C3orf20: variants seen among roughly 807,000 people sequenced by gnomAD.
C3orf20 encodes family with sequence similarity 149 member C.
A neutral mutation model predicts 88.3 loss-of-function variants in C3orf20; 76 were observed. That is an observed-to-expected ratio of 0.86 (90% CI 0.72 to 1.04). C3orf20 has a LOEUF of 1.04. Among genes scored for constraint, C3orf20 ranks in the 50% least tolerant of loss-of-function variants. The probability of loss-of-function intolerance (pLI) is 0.00; values close to 1 mark genes in which losing one functional copy is unlikely to be tolerated. For missense variants in C3orf20, 1,056 were observed against 1,123.3 expected (o/e 0.94, Z 0.86); for synonymous variants, 436 against 437.4 (o/e 1.00, Z 0.04).
Position 14,752,570 on chromosome 3 carries a change from A to C in C3orf20, c.1941-4801A>C, listed in dbSNP as rs1001230922. ...CAGGCAACCTACAGAATGGGAGAAAAGTTTTGCAATCTATCCATCTGACAA... is the reference window on the plus strand; with the variant it reads ...CAGGCAACCTACAGAATGGGAGAAACGTTTTGCAATCTATCCATCTGACAA... On this transcript the variant is annotated intron_variant, in intron 12 of 16. Coordinates refer to ENST00000253697, the MANE Select transcript of C3orf20 (RefSeq NM_032137.5). 2.0e-5 allele frequency among the ~76,000 whole-genome samples: 3 copies of C among 152,154 alleles called. No individual in the cohort carries two copies. In the East Asian group the frequency reaches 5.8e-4, roughly 29 times the overall value.
At position 14,729,013 on chromosome 3, in the gene C3orf20, CAG is replaced by C. The variant is rs889523560; in HGVS notation, c.1940+326_1940+327del. Among the ~76,000 whole-genome samples the C allele has an allele frequency of 2.3e-4, 35 of 152,194 alleles. No individual in the cohort carries two copies. The South Asian group carries it at 3.1e-3, about 14-fold the overall frequency. ...AGAAAAAAATGAGAAGATTTCATGA[CAG>C]GGGAAATGATATAAAAATTTAAATG... On this transcript the variant is annotated intron_variant, in intron 12 of 16. Coordinates refer to ENST00000253697, the MANE Select transcript of C3orf20 (RefSeq NM_032137.5).
chr3:14,677,647 C>A (rs762578617), intron 1 of C3orf20, among the ~76,000 whole-genome samples: 4 of 151,990 alleles, frequency 2.6e-5, no homozygotes, highest in African/African-American at 9.7e-5. Flanking sequence ...ATTACAGGTG[C>A]GCACCAGCAC....
intron 6 of C3orf20, 28 bp from the exon 7 acceptor site, chr3:14,704,309 G>C (rs1229786216): frequency 6.2e-7 from 1 of 1,611,140 alleles, no homozygotes; most frequent in Admixed American, 1.7e-5. Flanking sequence ...CAAAAGGCTA[G>C]ACAATATATT....
intron 14 of C3orf20, among the ~76,000 whole-genome samples, chr3:14,760,606 CTTTTTTTT>C (rs33982218): frequency 1.0e-5 from 1 of 97,806 alleles, no homozygotes; most frequent in East Asian, 3.0e-4. Flanking sequence ...AGTCTGTCTT[CTTTTTTTT>C]TTTTTTTTTT....
At chr3:14,732,885 G>T (rs1193392450) in intron 12 of C3orf20, among the ~76,000 whole-genome samples, 1 of 81,986 alleles carries the variant, frequency 1.2e-5, no homozygotes, top group African/African-American at 4.0e-5. Flanking sequence ...ATAAGGTATA[G>T]TGTATGAATT....
At chr3:14,730,260 A>G in intron 12 of C3orf20, among the ~76,000 whole-genome samples, 1 of 152,094 alleles carries the variant, frequency 6.6e-6, no homozygotes, top group East Asian at 1.9e-4. Flanking sequence ...ATAATAATCG[A>G]TTTTAGGCCG....
chr3:14,742,233 A>G (rs565351933), intron 12 of C3orf20, among the ~76,000 whole-genome samples: 11 of 152,388 alleles, frequency 7.2e-5, no homozygotes, highest in African/African-American at 2.6e-4. Flanking sequence ...TAGGGAAAAG[A>G]GAATTTTAAA....
intron 10 of C3orf20, among the ~76,000 whole-genome samples, chr3:14,723,125 C>T (rs892719349): frequency 6.6e-6 from 1 of 152,178 alleles, no homozygotes; most frequent in African/African-American, 2.4e-5. Flanking sequence ...TATGTGTCCC[C>T]CTCAAAAGTG....
At chr3:14,726,727 G>A (rs546131088) in intron 10 of C3orf20, among the ~76,000 whole-genome samples, 174 bp from the exon 11 acceptor site, 1 of 152,320 alleles carries the variant, frequency 6.6e-6, no homozygotes, top group East Asian at 1.9e-4. Flanking sequence ...TCAGGCCTGG[G>A]TCTGTGTGCA....
chr3:14,700,024 G>A lies in C3orf20; in HGVS notation c.746-3106G>A, dbSNP rs2033184318. On this transcript the variant is annotated intron_variant, in intron 5 of 16. Transcript: ENST00000253697. ...GTTCAGCCTGATTTTGCTTTCCACT[G>A]TGACAGGAAAGCACTGAGTTCAATG... Among the ~76,000 whole-genome samples, 3 of 152,196 alleles carry A rather than the reference G, an allele frequency of 2.0e-5. No individual in the cohort carries two copies. The South Asian group carries it at 6.2e-4, about 32-fold the overall frequency.
rs368674849 is a variant in C3orf20 at position 14,761,632 on chromosome 3, G to T, written c.2495+17G>T. On this transcript the variant is annotated intron_variant, in intron 15 of 16. Coordinates refer to ENST00000253697, the MANE Select transcript of C3orf20 (RefSeq NM_032137.5). ...CAAATTCAGGTAAAACAGGAAACAC[G>T]CAGGATGAGGGATGGGCCTGGGGAG... The T allele has an allele frequency of 2.0e-5, 32 of 1,613,502 alleles. No individual in the cohort carries two copies. The highest frequency in any genetic ancestry group is 3.3e-4 in the Middle Eastern group (2 of 6,028).
intron 5 of C3orf20, among the ~76,000 whole-genome samples, chr3:14,695,009 T>C (rs1044560762): frequency 9.2e-5 from 14 of 152,330 alleles, no homozygotes; most frequent in African/African-American, 3.1e-4. Flanking sequence ...CAGGCTGGTC[T>C]TGAACTTCTG....
At chr3:14,760,172 A>C (rs2035516423) in intron 14 of C3orf20, among the ~76,000 whole-genome samples, 174 bp downstream of exon 14, 1 of 152,198 alleles carries the variant, frequency 6.6e-6, no homozygotes, top group African/African-American at 2.4e-5. Flanking sequence ...ACCAAGAGTC[A>C]CCCAGCACAC....
intron 5 of C3orf20, among the ~76,000 whole-genome samples, chr3:14,694,634 C>A (rs1028407271): frequency 8.6e-5 from 13 of 152,010 alleles, no homozygotes; most frequent in African/African-American, 3.1e-4. Flanking sequence ...TTTAAAAAAA[C>A]AGCTTTTGTT....
At chr3:14,718,081 C>T (rs894635824) in intron 9 of C3orf20, among the ~76,000 whole-genome samples, 26 of 152,030 alleles carry the variant, frequency 1.7e-4, no homozygotes, top group African/African-American at 6.3e-4. Flanking sequence ...ATTTGTTTCA[C>T]CAAATTTGGG....
At position 14,704,546 on chromosome 3, in the gene C3orf20, G is replaced by T. The variant is rs768352803; in HGVS notation, c.1088G>T (p.Cys363Phe). The T allele has an allele frequency of 1.2e-6, 2 of 1,613,994 alleles. No individual in the cohort carries two copies. The highest frequency in any genetic ancestry group is 2.7e-5 in the African/African-American group (2 of 74,880). ...SSANHHFSQH[C>F]QEGKAPKKAF... ...GCCAACCATCATTTCAGTCAGCATT[G>T]TCAAGAGGGGAAGGCACCCAAGAAG... Residue 363 changes from cysteine to phenylalanine, a missense_variant, in exon 7 of 17, where the codon TGT (cysteine) becomes TTT (phenylalanine). Transcript: ENST00000253697.
chr3:14,691,531 T>C (rs2032730923), intron 5 of C3orf20, among the ~76,000 whole-genome samples: 1 of 152,214 alleles, frequency 6.6e-6, no homozygotes, highest in African/African-American at 2.4e-5. Context: ...CCCCTTTCTG[T>C]GGTTTCAGTT....
chr3:14,698,445 AG>A (rs930749498), intron 5 of C3orf20, among the ~76,000 whole-genome samples: 2 of 152,190 alleles, frequency 1.3e-5, no homozygotes, highest in South Asian at 4.1e-4. Flanking sequence ...GGTATTTGAA[AG>A]GGTTTGGGTG....
intron 15 of C3orf20, chr3:14,765,274 A>G (rs1033984158): frequency 1.3e-5 from 2 of 152,292 alleles, no homozygotes; most frequent in African/African-American, 4.8e-5. Flanking sequence ...AGATGGCTGA[A>G]TCAAGGTCTC....
Sources: gnomAD v4.1 joint callset for allele counts (sites outside exome capture counted in the v4.1 genomes callset) on GRCh38, gnomAD v4.1.1 for gene constraint, MANE v1.5 for transcripts, NCBI Gene and HGNC (gene_info 2026-07-23, HGNC 2026-07-21) for gene names.